The following RSU1 variants were observed in gnomAD, a reference collection of about 807,000 sequenced individuals.
The protein encoded by RSU1 is rsu-1.
In RSU1, 26 loss-of-function variants were observed where a neutral mutation model predicts 31.1. That is an observed-to-expected ratio of 0.84 (90% CI 0.61 to 1.16). The LOEUF is 1.16. Ranked by LOEUF, RSU1 falls within the 50% of genes most tolerant of loss-of-function variation. The pLI is 0.00. For missense variants in RSU1, 320 were observed against 339.1 expected (o/e 0.94, Z 0.44); for synonymous variants, 164 against 136.3 (o/e 1.20, Z -1.41).
intron 8 of RSU1, among the ~76,000 whole-genome samples, chr10:16,659,949 C>A (rs1834858825): frequency 6.6e-6 from 1 of 152,210 alleles, no homozygotes; most frequent in Non-Finnish European, 1.5e-5. Context: ...TAAATTGTTT[C>A]TCCACTAGTG....
intron 2 of RSU1, among the ~76,000 whole-genome samples, chr10:16,789,883 T>C (rs562377641): frequency 2.4e-4 from 37 of 152,314 alleles, no homozygotes; most frequent in African/African-American, 8.9e-4. Context: ...CATTTCAAAA[T>C]TCAACTCAGT....
chr10:16,715,269 T>C (rs1836117699), intron 7 of RSU1, among the ~76,000 whole-genome samples: 1 of 152,246 alleles, frequency 6.6e-6, no homozygotes. Flanking sequence ...TTCATTGTGT[T>C]GATGTTGTCT....
At chr10:16,653,788 G>C (rs1228043505) in intron 8 of RSU1, among the ~76,000 whole-genome samples, 1 of 151,950 alleles carries the variant, frequency 6.6e-6, no homozygotes, top group African/African-American at 2.4e-5. Flanking sequence ...ATTAATAAGT[G>C]GCATATGCTT....
At chr10:16,615,734 T>G (rs1029208201) in intron 8 of RSU1, among the ~76,000 whole-genome samples, 1 of 152,094 alleles carries the variant, frequency 6.6e-6, no homozygotes, top group African/African-American at 2.4e-5. Context: ...CACTCAAAAC[T>G]GCACAACTAC....
intron 7 of RSU1, among the ~76,000 whole-genome samples, chr10:16,715,441 T>C (rs540633290): frequency 1.3e-5 from 2 of 152,372 alleles, no homozygotes; most frequent in South Asian, 4.1e-4. Flanking sequence ...TTGTAGTTCT[T>C]ACATTTAGGT....
chr10:16,803,217 T>C (rs1838193543), intron 2 of RSU1, among the ~76,000 whole-genome samples: 1 of 152,128 alleles, frequency 6.6e-6, no homozygotes, highest in South Asian at 2.1e-4. Context: ...TGCTTTTCTA[T>C]ATAAAAAAAT....
chr10:16,746,597 G>A (rs1013495284), intron 7 of RSU1, among the ~76,000 whole-genome samples: 1 of 150,778 alleles, frequency 6.6e-6, no homozygotes, highest in Non-Finnish European at 1.5e-5. Flanking sequence ...ATCGGCAGGT[G>A]AGAAAATGCA....
intron 7 of RSU1, among the ~76,000 whole-genome samples, chr10:16,700,409 T>C (rs1430598550): frequency 6.6e-6 from 1 of 151,988 alleles, no homozygotes; most frequent in Non-Finnish European, 1.5e-5. Context: ...AACCAAGCAA[T>C]TGATTTGCTC....
chr10:16,709,908 G>A (rs977010659), intron 7 of RSU1, among the ~76,000 whole-genome samples: 5 of 152,140 alleles, frequency 3.3e-5, no homozygotes, highest in Non-Finnish European at 7.4e-5. Context: ...TGTCAGATGA[G>A]AAGGTTGCCA....
intron 7 of RSU1, among the ~76,000 whole-genome samples, chr10:16,745,676 AACGCGTGGGAATTATGGGAGCT>A: frequency 6.6e-6 from 1 of 151,796 alleles, no homozygotes; most frequent in African/African-American, 2.4e-5. Context: ...TCCCTCCCAC[AACGCGTGGGAATTATGGGAGCT>A]ACCAGATGAG....
Position 16,624,719 on chromosome 10 carries a change from T to C in RSU1, c.732-31223A>G, listed in dbSNP as rs144045257. Among the ~76,000 whole-genome samples the C allele has an allele frequency of 1.2e-3, 176 of 152,310 alleles. 1 individual carries two copies. The highest frequency in any genetic ancestry group is 4.1e-3 in the African/African-American group (169 of 41,574). ...CTGGCTCTCTATCTGTGCACACTCT[T>C]TGATTAGGTGGAGATTCTGAAGGCA... On this transcript the variant is annotated intron_variant, in intron 8 of 8. Coordinates refer to ENST00000345264, the MANE Select transcript of RSU1 (RefSeq NM_012425.4).
At chr10:16,680,416 C>A (rs530875389) in intron 8 of RSU1, among the ~76,000 whole-genome samples, 1 of 152,218 alleles carries the variant, frequency 6.6e-6, no homozygotes, top group South Asian at 2.1e-4. Context: ...TTAGTTCATT[C>A]TTGCGTTGCT....
In RSU1 at chr10:16,704,044, G is replaced by A. The variant is rs577664957; in HGVS notation, c.599-8889C>T. Among the ~76,000 whole-genome samples, 19 of 152,236 alleles carry A rather than the reference G, an allele frequency of 1.2e-4. No individual in the cohort carries two copies. In the South Asian group the frequency reaches 1.9e-3, roughly 15 times the overall value. ...TTAGTGGATGATGGTGTTTCTGGTC[G>A]AAGGACCACACTCTAAAAGAAAATC... On this transcript the variant is annotated intron_variant, in intron 7 of 8. Coordinates refer to ENST00000345264, the MANE Select transcript of RSU1 (RefSeq NM_012425.4).
At chr10:16,667,582 G>T (rs1835020592) in intron 8 of RSU1, among the ~76,000 whole-genome samples, 1 of 151,898 alleles carries the variant, frequency 6.6e-6, no homozygotes, top group Non-Finnish European at 1.5e-5. Context: ...TTGCTTCCTG[G>T]GTTCAAGTGA....
intron 8 of RSU1, among the ~76,000 whole-genome samples, chr10:16,643,894 T>A (rs78849379): frequency 3.3e-5 from 4 of 120,228 alleles, no homozygotes; most frequent in Non-Finnish European, 1.7e-5. Flanking sequence ...AGTGAAGATT[T>A]TTTTTTTTAA....
At chr10:16,752,760 T>C (rs941576045) in intron 6 of RSU1, 107 bp from the exon 7 acceptor site, 78 of 1,059,944 alleles carry the variant, frequency 7.4e-5, no homozygotes, top group Admixed American at 4.9e-4. Context: ...ATCCTTTCCA[T>C]GTATTTACAA....
intron 7 of RSU1, among the ~76,000 whole-genome samples, chr10:16,716,641 T>C (rs950912491): frequency 3.3e-5 from 5 of 152,168 alleles, no homozygotes; most frequent in Non-Finnish European, 7.4e-5. Flanking sequence ...TAAGCGTATT[T>C]CAACCTTTGA....
intron 7 of RSU1, among the ~76,000 whole-genome samples, chr10:16,745,760 A>T (rs1836839880): frequency 6.6e-6 from 1 of 152,228 alleles, no homozygotes; most frequent in Non-Finnish European, 1.5e-5. Context: ...AGGTCACAGA[A>T]CAAGGCAGTG....
At chr10:16,751,396 C>T (rs182152138) in intron 7 of RSU1, among the ~76,000 whole-genome samples, 50 of 152,254 alleles carry the variant, frequency 3.3e-4, no homozygotes, top group African/African-American at 1.2e-3. Context: ...CGGGACTTCC[C>T]AGCTGGTCCA....
Sources: allele counts gnomAD v4.1 joint callset (sites outside exome capture counted in the v4.1 genomes callset), GRCh38; gene constraint gnomAD v4.1.1; transcripts MANE v1.5; gene names NCBI Gene and HGNC (gene_info 2026-07-23, HGNC 2026-07-21).